The following DNALI1 variants were observed in gnomAD, a reference collection of about 807,000 sequenced individuals.
DNALI1 encodes the protein axonemal dynein light intermediate polypeptide 1.
Under a neutral mutation model 33.9 loss-of-function variants are expected in DNALI1, and 31 were observed. The ratio of observed to expected loss-of-function variants is 0.91; its 90% CI spans 0.69 to 1.23. The LOEUF (loss-of-function observed/expected upper bound fraction) is 1.23, where lower values mean the gene tolerates loss of function less well. Ranked by LOEUF, DNALI1 falls within the 50% of genes most tolerant of loss-of-function variation. The pLI, the probability that DNALI1 is intolerant of heterozygous loss-of-function variation, is 0.00. For synonymous variants in DNALI1, 117 were observed against 129.2 expected (o/e 0.91, Z 0.64); for missense variants, 305 against 323.8 (o/e 0.94, Z 0.44).
chr1:37,564,455 T>C (rs1224257306), intron 5 of DNALI1, among the ~76,000 whole-genome samples: 1 of 151,722 alleles, frequency 6.6e-6, no homozygotes, highest in East Asian at 1.9e-4. Flanking sequence ...CGATCTTGGC[T>C]CACTGCAAGC....
intron 5 of DNALI1, 152 bp from the exon 6 acceptor site, chr1:37,564,874 A>T: frequency 1.3e-6 from 1 of 772,462 alleles, no homozygotes; most frequent in Non-Finnish European, 2.2e-6. Flanking sequence ...AAACTAGCTA[A>T]TCTAGAAAAT....
chr1:37,565,161 G>T lies in DNALI1; in HGVS notation c.*100G>T. The T allele has an allele frequency of 1.4e-6, 2 of 1,432,214 alleles. No individual in the cohort carries two copies. Among genetic ancestry groups the T allele is most frequent in the East Asian group, 2.3e-5 (1 of 43,160 alleles). 88.7% of individuals were successfully genotyped at this position (1,432,214 alleles called of 1,614,324 possible). A position where few individuals can be genotyped will look rare whatever the true frequency, so the allele number is the denominator to read the frequency against. ...CATCATAAGCCCTTTGTAATAAAAA[G>T]CTAGTTTCCTGAGTGAACAAGCCAT... On this transcript the variant is annotated 3_prime_UTR_variant, in exon 6 of 6. Transcript: ENST00000652629.
At position 37,562,024 on chromosome 1, in the gene DNALI1, TCA is replaced by T; in HGVS notation, c.577-53_577-52del. ...TGTCCCATGTCCCTTCCACCCAGGCTCACACCATTCCATTCACCTGGCGACAT... is the reference window on the plus strand; with the variant it reads ...TGTCCCATGTCCCTTCCACCCAGGCTCACCATTCCATTCACCTGGCGACAT... On this transcript the variant is annotated intron_variant, in intron 4 of 5. Transcript: ENST00000652629. This position sits in a 1 kb window ranked among gnomAD's most constrained non-coding sequence, Gnocchi z 5.8. 6.2e-7 allele frequency: 1 copy of T among 1,610,316 alleles called. No individual in the cohort carries two copies. Among genetic ancestry groups the T allele is most frequent in the Non-Finnish European group, 8.5e-7 (1 of 1,177,894 alleles).
At chr1:37,564,902 G>C in intron 5 of DNALI1, 124 bp from the exon 6 acceptor site, 1 of 991,098 alleles carries the variant, frequency 1.0e-6, no homozygotes, top group Non-Finnish European at 1.6e-6. Flanking sequence ...TGGGGATCAA[G>C]GGGAAAAAGA....
chr1:37,557,109 C>G (rs1643380473), intron 1 of DNALI1, 34 bp downstream of exon 1: 1 of 1,613,628 alleles, frequency 6.2e-7, no homozygotes, highest in Non-Finnish European at 8.5e-7. Context: ...AAAGGAGCCT[C>G]GAAACTCCGA....
Position 37,559,288 on chromosome 1 carries a change from G to A in DNALI1, c.228-39G>A, listed in dbSNP as rs1643408124. ...CTGCTCATGTGCTAGGGACCTTCAA[G>A]TCAACGGGTTTTGCTCAGCCTCGCT... On this transcript the variant is annotated intron_variant, in intron 2 of 5. Coordinates refer to ENST00000652629, the MANE Select transcript of DNALI1 (RefSeq NM_003462.5). This position sits in a 1 kb window ranked among gnomAD's most constrained non-coding sequence, Gnocchi z 5.3. The A allele has an allele frequency of 6.5e-7, 1 of 1,542,576 alleles. No homozygotes were observed. Among genetic ancestry groups the A allele is most frequent in the East Asian group, 2.4e-5 (1 of 42,052 alleles).
chr1:37,560,423 T>C (rs903070595), intron 3 of DNALI1: 2 of 152,242 alleles, frequency 1.3e-5, no homozygotes, highest in African/African-American at 2.4e-5. Flanking sequence ...CGATGACTTT[T>C]ACCAAGCATG....
chr1:37,557,488 G>A (rs556653220), intron 1 of DNALI1, 115 bp from the exon 2 acceptor site: 11 of 1,417,916 alleles, frequency 7.8e-6, no homozygotes, highest in Admixed American at 2.3e-5. Flanking sequence ...CCGACCCAAA[G>A]TAGGCTAGGA....
Position 37,561,520 on chromosome 1 carries a change from C to T in DNALI1, c.398-37C>T, listed in dbSNP as rs762940257. On this transcript the variant is annotated intron_variant, in intron 3 of 5. Transcript: ENST00000652629. This position sits in a 1 kb window ranked among gnomAD's most constrained non-coding sequence, Gnocchi z 4.6. ...AGACATACTGCAAGCCCCCTCCCCA[C>T]GCCCTGTCTGATCTCATGGTGTGTG... is the stretch of plus-strand genomic sequence containing the variant. 16 of 1,603,214 alleles carry T rather than the reference C, an allele frequency of 1.0e-5. No individual in the cohort carries two copies. In the South Asian group the frequency reaches 1.0e-4, roughly 10 times the overall value.
rs2148124739 is a variant in DNALI1 at position 37,565,887 on chromosome 1, C to G, written c.*826C>G. The G allele has an allele frequency of 6.6e-6, 1 of 152,348 alleles. No individual in the cohort carries two copies. Among genetic ancestry groups the G allele is most frequent in the Non-Finnish European group, 1.5e-5 (1 of 68,042 alleles). The allele number at this position is 152,348 out of a possible 1,614,324, so 9.4% of individuals were successfully genotyped here. A position where few individuals can be genotyped will look rare whatever the true frequency, so the allele number is the denominator to read the frequency against. On this transcript the variant is annotated 3_prime_UTR_variant, in exon 6 of 6. Coordinates refer to ENST00000652629, the MANE Select transcript of DNALI1 (RefSeq NM_003462.5). Reference sequence around the variant, plus strand: ...TAATAATTGGAGTACGGCTGCTAGACAACTGCATTTTAGTATTTCTCTTCC... The same window carrying G: ...TAATAATTGGAGTACGGCTGCTAGAGAACTGCATTTTAGTATTTCTCTTCC...
chr1:37,558,981 C>T (rs1643404543), intron 2 of DNALI1, among the ~76,000 whole-genome samples: 1 of 152,210 alleles, frequency 6.6e-6, no homozygotes, highest in African/African-American at 2.4e-5. Flanking sequence ...GTTTCCCACC[C>T]CGTAAGTTGG....
At position 37,560,109 on chromosome 1, in the gene DNALI1, ATC is replaced by A. The variant is rs534289246; in HGVS notation, c.397+616_397+617del. Among the ~76,000 whole-genome samples the A allele has an allele frequency of 1.1e-4, 17 of 152,296 alleles. No homozygotes were observed. The South Asian group carries it at 3.3e-3, about 30-fold the overall frequency. ...CCCGCCACAGGGCGTTTTTTCTCCT[ATC>A]TCAGAACAAACGTACAATCAGGTTT... On this transcript the variant is annotated intron_variant, in intron 3 of 5. Transcript: ENST00000652629.
At chr1:37,557,578 G>A in intron 1 of DNALI1, 25 bp from the exon 2 acceptor site, 2 of 1,605,376 alleles carry the variant, frequency 1.2e-6, no homozygotes. Context: ...ACAATTTCCT[G>A]CCCTCACCTG....
At chr1:37,560,741 C>G (rs771686660) in intron 3 of DNALI1, 4 of 152,224 alleles carry the variant, frequency 2.6e-5, no homozygotes, top group Non-Finnish European at 4.4e-5. Flanking sequence ...CACCCCTTAG[C>G]AGATGTTTGG....
chr1:37,561,959 G>C lies in DNALI1; in HGVS notation c.577-122G>C. On this transcript the variant is annotated intron_variant, in intron 4 of 5. Transcript: ENST00000652629. This position sits in a 1 kb window ranked among gnomAD's most constrained non-coding sequence, Gnocchi z 4.6. ...CTGTAGACGCTCCATGCCAGGCACTGACCTCCCACTGGGTGGCAGTATATA... is the reference window on the plus strand; with the variant it reads ...CTGTAGACGCTCCATGCCAGGCACTCACCTCCCACTGGGTGGCAGTATATA... 1 of 1,482,428 alleles carries C rather than the reference G, an allele frequency of 6.7e-7. No homozygotes were observed. Among genetic ancestry groups the C allele is most frequent in the Non-Finnish European group, 9.2e-7 (1 of 1,090,472 alleles). The allele number at this position is 1,482,428 out of a possible 1,614,324, so 91.8% of individuals were successfully genotyped here.
At position 37,561,497 on chromosome 1, in the gene DNALI1, A is replaced by G; in HGVS notation, c.398-60A>G. ...CCAAGAGGAAGGGTGTTTGCAGTAG[A>G]CATACTGCAAGCCCCCTCCCCACGC... On this transcript the variant is annotated intron_variant, in intron 3 of 5. Transcript: ENST00000652629. This position sits in a 1 kb window ranked among gnomAD's most constrained non-coding sequence, Gnocchi z 4.6. The G allele has an allele frequency of 6.4e-7, 1 of 1,563,844 alleles. No individual in the cohort carries two copies. Among genetic ancestry groups the G allele is most frequent in the Non-Finnish European group, 8.7e-7 (1 of 1,145,958 alleles).
intron 5 of DNALI1, among the ~76,000 whole-genome samples, chr1:37,564,096 G>A (rs1244123337): frequency 4.0e-5 from 6 of 151,864 alleles, no homozygotes; most frequent in Admixed American, 3.9e-4. Flanking sequence ...AGCTGGGCGT[G>A]GTGATGTGCA....
In DNALI1 at chr1:37,565,214, T is replaced by C. The variant is rs1643485875; in HGVS notation, c.*153T>C. The C allele has an allele frequency of 2.6e-6, 2 of 771,760 alleles. No individual in the cohort carries two copies. Among genetic ancestry groups the C allele is most frequent in the South Asian group, 3.3e-5 (2 of 60,308 alleles). The allele number at this position is 771,760 out of a possible 1,614,324, so 47.8% of individuals were successfully genotyped here. ...CCTCCCCTAAACACCACCTAGGTAT[T>C]TGTTAGAAGTCACACTATTACTCCA... On this transcript the variant is annotated 3_prime_UTR_variant, in exon 6 of 6. Transcript: ENST00000652629.
Position 37,561,385 on chromosome 1 carries a change from T to C in DNALI1, c.398-172T>C. 1.4e-6 allele frequency: 1 copy of C among 729,484 alleles called. No individual in the cohort carries two copies. The highest frequency in any genetic ancestry group is 2.2e-6 in the Non-Finnish European group (1 of 453,716). The allele number at this position is 729,484 out of a possible 1,614,324, so 45.2% of individuals were successfully genotyped here. A position where few individuals can be genotyped will look rare whatever the true frequency, so the allele number is the denominator to read the frequency against. ...CAGAGGAGTGACTGCATGGCAAGGC[T>C]CTTTGGGCCACTGAAGGCACCCTCC... On this transcript the variant is annotated intron_variant, in intron 3 of 5. Coordinates refer to ENST00000652629, the MANE Select transcript of DNALI1 (RefSeq NM_003462.5). The surrounding 1 kb of genome is among the most constrained non-coding windows in gnomAD (Gnocchi z 4.6).
Sources: allele counts gnomAD v4.1 joint callset (sites outside exome capture counted in the v4.1 genomes callset), GRCh38; gene constraint gnomAD v4.1.1; non-coding constraint Gnocchi (gnomAD v3.1); transcripts MANE v1.5; gene names NCBI Gene and HGNC (gene_info 2026-07-23, HGNC 2026-07-21).